NDUFA10: variants seen among roughly 807,000 people sequenced by gnomAD.
The protein encoded by NDUFA10 is NADH dehydrogenase [ubiquinone] 1 alpha subcomplex subunit 10, mitochondrial.
In NDUFA10, 40 loss-of-function variants were observed where a neutral mutation model predicts 47.8. The observed-to-expected ratio is 0.84, with a 90% CI of 0.65 to 1.09. The LOEUF (loss-of-function observed/expected upper bound fraction) is 1.09, where lower values mean the gene tolerates loss of function less well. Among genes scored for constraint, NDUFA10 ranks in the 50% least tolerant of loss-of-function variants. The pLI, the probability that NDUFA10 is intolerant of heterozygous loss-of-function variation, is 0.00. For synonymous variants in NDUFA10, 183 were observed against 172.2 expected (o/e 1.06, Z -0.49); for missense variants, 413 against 451.1 (o/e 0.92, Z 0.76).
intron 4 of NDUFA10, among the ~76,000 whole-genome samples, chr2:239,902,688 C>T (rs372492128): frequency 8.3e-4 from 127 of 152,294 alleles, no homozygotes; most frequent in African/African-American, 2.9e-3. Flanking sequence ...TGAGTGGGAA[C>T]GGCCTCGTTC....
chr2:239,979,747 C>A (rs1371595568), intron 9 of NDUFA10, among the ~76,000 whole-genome samples: 1 of 152,096 alleles, frequency 6.6e-6, no homozygotes, highest in African/African-American at 2.4e-5. Flanking sequence ...AACCTGAGAC[C>A]CAGATGATGC....
At chr2:240,017,271 G>A (rs1009924242) in intron 4 of NDUFA10, among the ~76,000 whole-genome samples, 1 of 152,148 alleles carries the variant, frequency 6.6e-6, no homozygotes, top group African/African-American at 2.4e-5. Context: ...TCCTCGTGCA[G>A]CCTCATCCAG....
At chr2:239,896,226 C>T (rs1249096555) in intron 4 of NDUFA10, among the ~76,000 whole-genome samples, 3 of 152,240 alleles carry the variant, frequency 2.0e-5, no homozygotes, top group Admixed American at 1.3e-4. Flanking sequence ...GAATGGCAGA[C>T]GTGCATATCA....
chr2:240,004,027 G>A (rs921696028), intron 8 of NDUFA10, among the ~76,000 whole-genome samples: 4 of 152,176 alleles, frequency 2.6e-5, no homozygotes, highest in Admixed American at 6.5e-5. Context: ...TGAATTCAAC[G>A]GACGAGACAC....
intron 8 of NDUFA10, among the ~76,000 whole-genome samples, chr2:239,993,999 C>G (rs1403382337): frequency 6.6e-6 from 1 of 152,110 alleles, no homozygotes; most frequent in Non-Finnish European, 1.5e-5. Flanking sequence ...CACACAGTCA[C>G]ACAACCTTGG....
intron 4 of NDUFA10, among the ~76,000 whole-genome samples, chr2:240,018,152 G>A (rs941077207): frequency 1.3e-4 from 20 of 152,176 alleles, no homozygotes; most frequent in African/African-American, 4.8e-4. Flanking sequence ...GCTGGCAACT[G>A]GCAGGGCTAA....
chr2:239,992,446 A>T (rs565920229), intron 8 of NDUFA10, among the ~76,000 whole-genome samples: 1 of 152,332 alleles, frequency 6.6e-6, no homozygotes, highest in East Asian at 1.9e-4. Context: ...AACATTTCCA[A>T]ACCCTATTTT....
intron 9 of NDUFA10, among the ~76,000 whole-genome samples, chr2:239,979,984 C>T (rs549403136): frequency 7.9e-5 from 12 of 152,164 alleles, no homozygotes; most frequent in African/African-American, 2.7e-4. Flanking sequence ...CCTACACCCC[C>T]ACATCCCTCA....
chr2:240,007,634 C>G (rs1162827232), intron 6 of NDUFA10, among the ~76,000 whole-genome samples: 1 of 152,210 alleles, frequency 6.6e-6, no homozygotes, highest in African/African-American at 2.4e-5. Context: ...ACTACACTGC[C>G]CCCAAGCCAA....
At chr2:239,941,497 G>A (rs996679931) in intron 4 of NDUFA10, among the ~76,000 whole-genome samples, 3 of 121,420 alleles carry the variant, frequency 2.5e-5, no homozygotes, top group African/African-American at 9.6e-5. Flanking sequence ...AGGCCAAGGC[G>A]GGCAGATCAC....
intron 9 of NDUFA10, chr2:239,969,548 T>C (rs1695227861): frequency 2.4e-6 from 1 of 419,268 alleles, no homozygotes; most frequent in Admixed American, 2.6e-5. Flanking sequence ...CCTGTGGACA[T>C]GGGACTCCCT....
At chr2:239,983,551 G>T in intron 9 of NDUFA10, 1 of 1,601,592 alleles carries the variant, frequency 6.2e-7, no homozygotes, top group East Asian at 2.2e-5. Context: ...GGTGTGCATG[G>T]GGCTTTCTGG....
chr2:240,014,841 C>T lies in NDUFA10; in HGVS notation c.567G>A (p.Glu189=), dbSNP rs1697279552. The change falls in exon 5 of 10, where the codon GAG becomes GAA. Residue 189 remains glutamate, a synonymous_variant. Coordinates refer to ENST00000252711, the MANE Select transcript of NDUFA10 (RefSeq NM_004544.4). ...AATCGCAGATGGTGACGCTCTTCAC[C>T]TCGTTGTAGTGGTCCACACCTGGCA... ...IRKQCVDHYN[E]VKSVTICDYL... is the part of the protein sequence containing the mutation. 3 of 1,614,122 alleles carry T rather than the reference C, an allele frequency of 1.9e-6. No individual in the cohort carries two copies. Among genetic ancestry groups the T allele is most frequent in the African/African-American group, 1.3e-5 (1 of 75,056 alleles).
intron 4 of NDUFA10, among the ~76,000 whole-genome samples, chr2:239,929,350 G>A (rs1235075954): frequency 6.6e-6 from 1 of 152,154 alleles, no homozygotes; most frequent in Non-Finnish European, 1.5e-5. Context: ...GGAAGGAGGG[G>A]CCAGGGTCTC....
intron 5 of NDUFA10, among the ~76,000 whole-genome samples, chr2:239,894,520 G>T (rs571742841): frequency 6.6e-6 from 1 of 152,134 alleles, no homozygotes; most frequent in Admixed American, 6.5e-5. Flanking sequence ...CACCGGATCT[G>T]TCAGTAAGAT....
chr2:239,955,613 C>T (rs1381981295), downstream of NDUFA10, among the ~76,000 whole-genome samples: 1 of 152,230 alleles, frequency 6.6e-6, no homozygotes, highest in Non-Finnish European at 1.5e-5. Flanking sequence ...CCTTGCCAGA[C>T]ACCCATCCAG....
chr2:239,999,318 G>A (rs886705144), intron 8 of NDUFA10, among the ~76,000 whole-genome samples: 9 of 152,146 alleles, frequency 5.9e-5, no homozygotes, highest in African/African-American at 1.4e-4. Flanking sequence ...GACAGTCTGG[G>A]GCTGTTTTCC....
At position 239,990,904 on chromosome 2, in the gene NDUFA10, TG is replaced by T. The variant is rs566917204; in HGVS notation, c.891-723del. 7.4e-4 allele frequency among the ~76,000 whole-genome samples: 112 copies of T among 152,222 alleles called. 2 individuals are homozygous for T. In the South Asian group the frequency reaches 0.021, roughly 28 times the overall value. ...TTTTAAAAAGCATTTTTTCAGCTTT[TG>T]GAAAAAAAAACATTAAAATAAAGTC... On this transcript the variant is annotated intron_variant, in intron 8 of 9. Coordinates refer to ENST00000252711, the MANE Select transcript of NDUFA10 (RefSeq NM_004544.4).
chr2:239,956,907 A>C (rs923671525), downstream of NDUFA10, among the ~76,000 whole-genome samples: 25 of 152,112 alleles, frequency 1.6e-4, no homozygotes, highest in African/African-American at 6.0e-4. Context: ...AGAGCTTGCC[A>C]AAGTCATGTC....
Sources: gnomAD v4.1 joint callset for allele counts (sites outside exome capture counted in the v4.1 genomes callset) on GRCh38, gnomAD v4.1.1 for gene constraint, MANE v1.5 for transcripts, NCBI Gene and HGNC (gene_info 2026-07-23, HGNC 2026-07-21) for gene names.